Variants in SETX observed in about 807,000 individuals in gnomAD.
SETX encodes the protein helicase senataxin.
SETX carries 90 observed loss-of-function variants against 227.2 expected under a neutral mutation model. The ratio of observed to expected loss-of-function variants is 0.40; its 90% CI spans 0.33 to 0.47. SETX has a LOEUF of 0.47. Ranked by LOEUF, SETX falls within the 20% of genes least tolerant of loss-of-function variation. The pLI, the probability that SETX is intolerant of heterozygous loss-of-function variation, is 0.91. For synonymous variants in SETX, 1,210 were observed against 1,113.2 expected, an observed-to-expected ratio of 1.09 and a Z score of -1.73; for missense variants, 3,052 against 3,181.5, an observed-to-expected ratio of 0.96 and a Z score of 0.98.
rs745938575 is a variant in SETX, at chr9:132,329,344, T to C, written c.2254A>G (p.Thr752Ala). 7 of 1,614,052 alleles carry C rather than the reference T, an allele frequency of 4.3e-6. No individual in the cohort carries two copies. The South Asian group carries it at 7.7e-5, about 18-fold the overall frequency. The change falls in exon 10 of 26, where the codon ACT (threonine) becomes GCT (alanine). Residue 752 changes from threonine to alanine, a missense_variant. Thr to Ala is a moderately conservative substitution (Grantham distance 58). Coordinates refer to ENST00000224140, the MANE Select transcript of SETX (RefSeq NM_015046.7). ...GTGGACACTTTTTCCAAAGCATCAG[T>C]GCTAGAATCAGTCAACAAACGTGTT... ...VSTRLLTDSS[T>A]DALEKVSTSN...
intron 2 of SETX, among the ~76,000 whole-genome samples, chr9:132,351,224 C>T (rs927612902): frequency 1.3e-5 from 2 of 152,050 alleles, no homozygotes; most frequent in East Asian, 1.9e-4. Flanking sequence ...AGTGAAACTT[C>T]ATGGAGGTTT....
chr9:132,341,944 C>G (rs1262303550), intron 5 of SETX, among the ~76,000 whole-genome samples: 1 of 152,096 alleles, frequency 6.6e-6, no homozygotes, highest in Non-Finnish European at 1.5e-5. Flanking sequence ...CTTTAATTTC[C>G]TCCTTTTGCT....
At chr9:132,318,509 T>G (rs1209643543) in intron 10 of SETX, among the ~76,000 whole-genome samples, 1 of 152,200 alleles carries the variant, frequency 6.6e-6, no homozygotes, top group African/African-American at 2.4e-5. Context: ...GTATCTCTAC[T>G]GATGAGTAGG....
chr9:132,292,090 CT>C (rs1245458331), intron 15 of SETX, among the ~76,000 whole-genome samples: 1 of 151,564 alleles, frequency 6.6e-6, no homozygotes, highest in African/African-American at 2.4e-5. Flanking sequence ...AAATTTTCTC[CT>C]TATACTTTCC....
Position 132,269,607 on chromosome 9 carries a change from GTACC to G in SETX, c.7287+4_7287+7del. 1 of 1,613,946 alleles carries G rather than the reference GTACC, an allele frequency of 6.2e-7. No individual in the cohort carries two copies. Among genetic ancestry groups the G allele is most frequent in the South Asian group, 1.1e-5 (1 of 91,080 alleles). The stretch of plus-strand genomic sequence containing the variant: ...AATGGGTAAACTTCTGAGCTCTCTG[GTACC>G]TACCATCAGGGTCCTCAAATGTCCG... On this transcript the variant is annotated splice_donor_5th_base_variant and intron_variant, in intron 25 of 25. Transcript: ENST00000224140.
intron 2 of SETX, among the ~76,000 whole-genome samples, chr9:132,350,221 G>A (rs148123043): frequency 1.1e-3 from 172 of 152,190 alleles, no homozygotes; most frequent in Non-Finnish European, 2.1e-3. Flanking sequence ...CTGGTGGTGC[G>A]CATCTGCAAT....
intron 11 of SETX, among the ~76,000 whole-genome samples, chr9:132,302,814 A>T (rs74660339): frequency 0.11 from 16,054 of 151,944 alleles, 955 homozygotes; most frequent in East Asian, 0.24. Flanking sequence ...AGTATTTTTT[A>T]TAAAACAACA....
intron 21 of SETX, 121 bp downstream of exon 21, chr9:132,277,949 T>G (rs972673222): frequency 4.2e-5 from 42 of 994,114 alleles, no homozygotes; most frequent in Non-Finnish European, 5.6e-5. Flanking sequence ...CAGGACAAAA[T>G]TATTAACCCT....
At chr9:132,283,017 C>T in intron 19 of SETX, 1 of 525,702 alleles carries the variant, frequency 1.9e-6, no homozygotes, top group Non-Finnish European at 3.4e-6. Flanking sequence ...GACAGTCACT[C>T]AGCAGAGATT....
At chr9:132,290,336 G>C (rs753136652) in intron 15 of SETX, among the ~76,000 whole-genome samples, 16 of 151,956 alleles carry the variant, frequency 1.1e-4, no homozygotes, top group Non-Finnish European at 1.2e-4. Flanking sequence ...CAGCACTCTG[G>C]GAGGCCAAGG....
chr9:132,292,270 A>C (rs936063886), intron 15 of SETX, among the ~76,000 whole-genome samples: 3 of 151,914 alleles, frequency 2.0e-5, no homozygotes, highest in Non-Finnish European at 2.9e-5. Context: ...CTCTACAACA[A>C]AAATTTAAAA....
At chr9:132,267,440 T>G (rs977913988) in intron 25 of SETX, among the ~76,000 whole-genome samples, 4 of 152,244 alleles carry the variant, frequency 2.6e-5, no homozygotes, top group Admixed American at 1.3e-4. Flanking sequence ...GAAACAGTTC[T>G]GAGCAGGCAC....
intron 6 of SETX, among the ~76,000 whole-genome samples, chr9:132,335,270 G>A (rs369285349): frequency 5.6e-4 from 84 of 151,000 alleles, no homozygotes; most frequent in Middle Eastern, 3.4e-3. Flanking sequence ...AGGCGCCTGT[G>A]GTCCCAGCTA....
intron 25 of SETX, among the ~76,000 whole-genome samples, chr9:132,266,842 G>T (rs1012430591): frequency 6.6e-6 from 1 of 152,324 alleles, no homozygotes; most frequent in African/African-American, 2.4e-5. Flanking sequence ...AGACAATGGT[G>T]TAACTCTTAG....
intron 10 of SETX, among the ~76,000 whole-genome samples, chr9:132,323,729 T>A (rs1359411172): frequency 6.6e-6 from 1 of 152,052 alleles, no homozygotes; most frequent in African/African-American, 2.4e-5. Context: ...TGGGAAAAAC[T>A]CTGCCTCTAC....
At chr9:132,279,435 A>C (rs1324220579) in intron 20 of SETX, among the ~76,000 whole-genome samples, 1 of 152,210 alleles carries the variant, frequency 6.6e-6, no homozygotes. Flanking sequence ...AGTTTCAAAA[A>C]GTACTTTATC....
chr9:132,315,816 C>T (rs1845931896), intron 10 of SETX, among the ~76,000 whole-genome samples: 1 of 152,172 alleles, frequency 6.6e-6, no homozygotes, highest in Non-Finnish European at 1.5e-5. Flanking sequence ...ATGCAAGGCC[C>T]TCATCATTTG....
chr9:132,288,710 TATAC>T lies in SETX; in HGVS notation c.6107-63_6107-60del. ...GGACACTGCTGATCAATCCTGTCTC[TATAC>T]ATAGTATCTATATTTCTAAGTAAAT... On this transcript the variant is annotated intron_variant, in intron 15 of 25. Transcript: ENST00000224140. The T allele has an allele frequency of 2.9e-6, 3 of 1,047,128 alleles. No individual in the cohort carries two copies. The South Asian group carries it at 3.9e-5, about 13-fold the overall frequency. The allele number at this position is 1,047,128 out of a possible 1,614,324, so 64.9% of individuals were successfully genotyped here.
intron 19 of SETX, 52 bp from the exon 20 acceptor site, chr9:132,281,626 C>A (rs1371976666): frequency 7.9e-7 from 1 of 1,270,368 alleles, no homozygotes; most frequent in Non-Finnish European, 1.2e-6. Flanking sequence ...TGCTATTTAT[C>A]CATATAGTTT....
Sources: allele counts gnomAD v4.1 joint callset (sites outside exome capture counted in the v4.1 genomes callset), GRCh38; gene constraint gnomAD v4.1.1; transcripts MANE v1.5; gene names NCBI Gene and HGNC (gene_info 2026-07-23, HGNC 2026-07-21).